The following VPS8 variants were observed in gnomAD, a reference collection of about 807,000 sequenced individuals.
The protein encoded by VPS8 is VPS8 subunit of CORVET complex, also known as vacuolar protein sorting-associated protein 8 homolog.
Under a neutral mutation model 216.4 loss-of-function variants are expected in VPS8, and 129 were observed. That is an observed-to-expected ratio of 0.60 (90% CI 0.52 to 0.69). The LOEUF is 0.69. VPS8 is among the 30% of genes least tolerant of loss of function. VPS8 has a pLI of 0.00. For missense variants in VPS8, 1,531 were observed against 1,683.5 expected (o/e 0.91, Z 1.59); for synonymous variants, 571 against 565.4 (o/e 1.01, Z -0.14).
chr3:184,920,120 C>T lies in VPS8; in HGVS notation c.2383-7C>T. 1 of 1,513,312 alleles carries T rather than the reference C, an allele frequency of 6.6e-7. No individual in the cohort carries two copies. The highest frequency in any genetic ancestry group is 1.3e-5 in the South Asian group (1 of 76,400). The allele number at this position is 1,513,312 out of a possible 1,614,324, so 93.7% of individuals were successfully genotyped here. A position where few individuals can be genotyped will look rare whatever the true frequency, so the allele number is the denominator to read the frequency against. On this transcript the variant is annotated splice_polypyrimidine_tract_variant and splice_region_variant and intron_variant, in intron 28 of 47. Transcript: ENST00000625842. ...ATTACTTTAAAAAATTTATTTCTCCCTTTTAGACTTTTGAAGATTTTAAAA... is the reference window on the plus strand; with the variant it reads ...ATTACTTTAAAAAATTTATTTCTCCTTTTTAGACTTTTGAAGATTTTAAAA...
intron 35 of VPS8, among the ~76,000 whole-genome samples, chr3:184,937,271 A>G (rs1741811684): frequency 6.6e-6 from 1 of 152,186 alleles, no homozygotes; most frequent in Admixed American, 6.5e-5. Flanking sequence ...CACAAGTGAT[A>G]GAGGCAGGGA....
chr3:184,834,366 G>T (rs879425065), intron 4 of VPS8, among the ~76,000 whole-genome samples: 2 of 152,132 alleles, frequency 1.3e-5, no homozygotes, highest in Non-Finnish European at 2.9e-5. Context: ...TGTTAGATCC[G>T]TCATACCTCT....
Position 184,911,426 on chromosome 3 carries a change from G to A in VPS8, c.2147-2093G>A, listed in dbSNP as rs549485893. ...AATGTCTGAGACAAGTCTCAATTTAGAGGTTTATTTTACCAAGGTTGAGGA... is the reference window on the plus strand; with the variant it reads ...AATGTCTGAGACAAGTCTCAATTTAAAGGTTTATTTTACCAAGGTTGAGGA... On this transcript the variant is annotated intron_variant, in intron 25 of 47. Transcript: ENST00000625842. 2.3e-4 allele frequency among the ~76,000 whole-genome samples: 35 copies of A among 152,310 alleles called. 1 individual carries two copies. The South Asian group carries it at 7.1e-3, about 31-fold the overall frequency.
intron 1 of VPS8, among the ~76,000 whole-genome samples, chr3:184,820,334 C>G (rs530059242): frequency 6.6e-6 from 1 of 152,172 alleles, no homozygotes; most frequent in Non-Finnish European, 1.5e-5. Context: ...GCCCTGTTCT[C>G]CGTGTTCAAC....
intron 1 of VPS8, among the ~76,000 whole-genome samples, chr3:184,823,553 G>A (rs1308379027): frequency 2.0e-5 from 3 of 152,058 alleles, no homozygotes; most frequent in African/African-American, 7.2e-5. Flanking sequence ...CAGTTGTTTG[G>A]TACTGTGAAA....
intron 5 of VPS8, among the ~76,000 whole-genome samples, chr3:184,837,184 A>G (rs1268346347): frequency 6.6e-6 from 1 of 151,164 alleles, no homozygotes; most frequent in Non-Finnish European, 1.5e-5. Context: ...AAAATTCTGT[A>G]ATCTCTACAA....
chr3:185,050,123 A>AATTTTTTTTTTTTTT (rs1553916150), intron 47 of VPS8, among the ~76,000 whole-genome samples: 1 of 139,388 alleles, frequency 7.2e-6, no homozygotes. Context: ...CTGGGAAATA[A>AATTTTTTTTTTTTTT]TTTTTTTTTT....
intron 46 of VPS8, among the ~76,000 whole-genome samples, chr3:185,043,094 A>G (rs564661220): frequency 1.3e-5 from 2 of 152,246 alleles, no homozygotes; most frequent in East Asian, 3.9e-4. Context: ...ATCAGCCCCT[A>G]CAGACACAGA....
At chr3:184,957,617 C>G in intron 37 of VPS8, 96 bp downstream of exon 37, 1 of 1,372,002 alleles carries the variant, frequency 7.3e-7, no homozygotes, top group South Asian at 1.6e-5. Context: ...TATATAATTT[C>G]TTTTTTAAAC....
chr3:185,001,556 C>A (rs1387142248), intron 45 of VPS8, among the ~76,000 whole-genome samples: 2 of 152,216 alleles, frequency 1.3e-5, no homozygotes, highest in African/African-American at 4.8e-5. Context: ...TCAATGTCTA[C>A]ACCAACCCAT....
intron 6 of VPS8, 196 bp from the exon 7 acceptor site, chr3:184,839,502 A>C: frequency 1.8e-6 from 1 of 560,570 alleles, no homozygotes; most frequent in Non-Finnish European, 3.1e-6. Flanking sequence ...TCCTAGAGTA[A>C]ATTTAGAGGG....
At chr3:184,998,182 C>T (rs965626900) in intron 44 of VPS8, among the ~76,000 whole-genome samples, 3 of 152,058 alleles carry the variant, frequency 2.0e-5, no homozygotes, top group East Asian at 3.9e-4. Flanking sequence ...CTCTGAGATG[C>T]GAAGCCACTG....
chr3:184,993,711 C>T (rs1001018984), intron 42 of VPS8, among the ~76,000 whole-genome samples: 1 of 152,110 alleles, frequency 6.6e-6, no homozygotes, highest in African/African-American at 2.4e-5. Context: ...GGAGAGGAAG[C>T]TTCTTGCAGA....
At chr3:184,970,644 G>C (rs1316220176) in intron 39 of VPS8, among the ~76,000 whole-genome samples, 1 of 152,196 alleles carries the variant, frequency 6.6e-6, no homozygotes, top group East Asian at 1.9e-4. Flanking sequence ...GGTGAGATGA[G>C]CCCAAGTCTT....
At chr3:184,828,297 G>A (rs982505348) in intron 3 of VPS8, among the ~76,000 whole-genome samples, 1 of 151,840 alleles carries the variant, frequency 6.6e-6, no homozygotes, top group African/African-American at 2.4e-5. Flanking sequence ...CCACCACCAC[G>A]CCCAGCTAAT....
In VPS8 at chr3:184,849,209, C is replaced by T. The variant is rs1008089802; in HGVS notation, c.666+14C>T. 1.1e-5 allele frequency: 17 copies of T among 1,608,766 alleles called. No homozygotes were observed. The highest frequency in any genetic ancestry group is 2.7e-5 in the African/African-American group (2 of 74,584). ...GCTAAAGGACAGGTAAGATATGAAC[C>T]TCCTTTAATTCATAAGACAATGTTA... On this transcript the variant is annotated intron_variant, in intron 9 of 47. Transcript: ENST00000625842.
chr3:184,852,464 A>G, intron 10 of VPS8, 36 bp from the exon 11 acceptor site: 1 of 1,597,608 alleles, frequency 6.3e-7, no homozygotes. Context: ...TGACTGTTTA[A>G]AAATGTACAA....
intron 16 of VPS8, 112 bp downstream of exon 16, chr3:184,863,179 A>C: frequency 1.5e-6 from 2 of 1,329,580 alleles, no homozygotes; most frequent in Non-Finnish European, 2.0e-6. Flanking sequence ...TTCTGTCTTG[A>C]GGTGTTTCTT....
intron 1 of VPS8, among the ~76,000 whole-genome samples, chr3:184,820,590 A>C (rs1387113675): frequency 2.0e-5 from 3 of 152,194 alleles, no homozygotes; most frequent in Non-Finnish European, 4.4e-5. Flanking sequence ...TTCCCAGCTT[A>C]GGTACTTTCT....
Sources: allele counts gnomAD v4.1 joint callset (sites outside exome capture counted in the v4.1 genomes callset), GRCh38; gene constraint gnomAD v4.1.1; transcripts MANE v1.5; gene names NCBI Gene and HGNC (gene_info 2026-07-23, HGNC 2026-07-21).